Variants in AK7 observed in about 807,000 individuals in gnomAD.
The protein encoded by AK7 is adenylate kinase 7.
In AK7, 78 loss-of-function variants were observed where a neutral mutation model predicts 96.6. The observed-to-expected ratio is 0.81, with a 90% confidence interval of 0.67 to 0.97. The LOEUF (loss-of-function observed/expected upper bound fraction) is 0.97, where lower values mean the gene tolerates loss of function less well. Ranked by LOEUF, AK7 falls within the 50% of genes least tolerant of loss-of-function variation. The pLI is 0.00. For missense variants in AK7, 855 were observed against 887.9 expected, an observed-to-expected ratio of 0.96 and a Z score of 0.47; for synonymous variants, 302 against 317.2, an observed-to-expected ratio of 0.95 and a Z score of 0.51.
At chr14:96,441,371 G>T (rs1892946914) in intron 6 of AK7, among the ~76,000 whole-genome samples, 1 of 152,094 alleles carries the variant, frequency 6.6e-6, no homozygotes, top group Admixed American at 6.5e-5. Flanking sequence ...AGGCATGGTG[G>T]TTCACGCCAG....
intron 14 of AK7, 64 bp downstream of exon 14, chr14:96,472,819 C>A: frequency 7.1e-7 from 1 of 1,403,030 alleles, no homozygotes; most frequent in Non-Finnish European, 1.0e-6. Context: ...TGGTGGCTCA[C>A]GCCTGTAATC....
At position 96,473,582 on chromosome 14, in the gene AK7, AT is replaced by A. The variant is rs1029636655; in HGVS notation, c.1555+838del. ...ATCTTTTTGAGTTTAATAAAGTAGG[AT>A]TTTTTTTTTTAGGAAAAATATTAAA... On this transcript the variant is annotated intron_variant, in intron 14 of 17. Transcript: ENST00000267584. Among the ~76,000 whole-genome samples the A allele has an allele frequency of 3.5e-3, 508 of 146,576 alleles. 2 individuals are homozygous for A. The highest frequency in any genetic ancestry group is 0.01 in the African/African-American group (401 of 40,100).
At chr14:96,427,075 G>C (rs368000600) in intron 5 of AK7, among the ~76,000 whole-genome samples, 2 of 152,048 alleles carry the variant, frequency 1.3e-5, no homozygotes, top group African/African-American at 4.8e-5. Context: ...GAGAAACCCC[G>C]TCTCTACTGA....
chr14:96,401,270 G>T (rs1319411888), intron 2 of AK7, among the ~76,000 whole-genome samples: 3 of 152,214 alleles, frequency 2.0e-5, no homozygotes, highest in Non-Finnish European at 4.4e-5. Flanking sequence ...TCTGAAAGGG[G>T]CACCTAAGGA....
chr14:96,404,167 A>C (rs995999132), intron 2 of AK7, among the ~76,000 whole-genome samples: 5 of 151,658 alleles, frequency 3.3e-5, no homozygotes, highest in Admixed American at 2.0e-4. Context: ...AAAAAAAAAA[A>C]AAAAAACACC....
intron 10 of AK7, among the ~76,000 whole-genome samples, chr14:96,455,417 C>G (rs942559971): frequency 6.6e-6 from 1 of 151,928 alleles, no homozygotes; most frequent in African/African-American, 2.4e-5. Context: ...CCCAGGAGTT[C>G]GAGGCTGCAG....
intron 7 of AK7, 25 bp from the exon 8 acceptor site, chr14:96,446,492 G>A: frequency 6.9e-6 from 11 of 1,604,348 alleles, no homozygotes; most frequent in Middle Eastern, 1.7e-4. Flanking sequence ...TCCCTTTGAT[G>A]ATTATTTTAC....
At position 96,408,946 on chromosome 14, in the gene AK7, G is replaced by A; in HGVS notation, c.498+5G>A. 1 of 1,613,816 alleles carries A rather than the reference G, an allele frequency of 6.2e-7. No homozygotes were observed. The highest frequency in any genetic ancestry group is 8.5e-7 in the Non-Finnish European group (1 of 1,179,690). The stretch of plus-strand genomic sequence containing the variant: ...CGCTCCAAAGCCCTGGACCCCGTAA[G>A]TAGAGCGTTAGCTTTCCTTTAGGTA... On this transcript the variant is annotated splice_donor_5th_base_variant and intron_variant, in intron 4 of 17. Coordinates refer to ENST00000267584, the MANE Select transcript of AK7 (RefSeq NM_152327.5).
At chr14:96,417,431 T>C (rs141766302) in intron 4 of AK7, among the ~76,000 whole-genome samples, 1 of 152,334 alleles carries the variant, frequency 6.6e-6, no homozygotes, top group Non-Finnish European at 1.5e-5. Context: ...CAGTTAATTG[T>C]GCAATATGTA....
chr14:96,481,725 G>T (rs1304392365), intron 15 of AK7, among the ~76,000 whole-genome samples: 1 of 137,042 alleles, frequency 7.3e-6, no homozygotes. Flanking sequence ...TTTTTTTTGA[G>T]ACAAAGTCTT....
At chr14:96,427,745 T>C (rs1192691809) in intron 5 of AK7, among the ~76,000 whole-genome samples, 1 of 152,230 alleles carries the variant, frequency 6.6e-6, no homozygotes, top group Non-Finnish European at 1.5e-5. Flanking sequence ...TTAAGGCCAA[T>C]AACTCTTAGA....
intron 7 of AK7, among the ~76,000 whole-genome samples, chr14:96,445,809 G>A (rs1361763825): frequency 6.6e-6 from 1 of 152,192 alleles, no homozygotes; most frequent in Non-Finnish European, 1.5e-5. Context: ...ACAAGCCATT[G>A]TGATAGACAT....
chr14:96,445,958 G>T (rs1416471213), intron 7 of AK7, among the ~76,000 whole-genome samples: 1 of 152,164 alleles, frequency 6.6e-6, no homozygotes, highest in South Asian at 2.1e-4. Context: ...AAATTTAGTG[G>T]GATCACACCT....
intron 1 of AK7, among the ~76,000 whole-genome samples, chr14:96,394,614 G>T (rs1486533848): frequency 6.6e-6 from 1 of 152,116 alleles, no homozygotes; most frequent in Non-Finnish European, 1.5e-5. Flanking sequence ...CCAGGAGTTT[G>T]GTTTATCCTC....
At chr14:96,474,828 C>T (rs751638349) in intron 14 of AK7, among the ~76,000 whole-genome samples, 2 of 152,194 alleles carry the variant, frequency 1.3e-5, no homozygotes, top group Non-Finnish European at 2.9e-5. Context: ...GGCAATTGGT[C>T]GTGCACAATT....
chr14:96,396,164 C>T (rs958601891), intron 1 of AK7, among the ~76,000 whole-genome samples: 1 of 152,156 alleles, frequency 6.6e-6, no homozygotes, highest in Non-Finnish European at 1.5e-5. Context: ...GCCTTGGTCT[C>T]CCAAAGTGCT....
chr14:96,457,778 T>C (rs546628598), intron 11 of AK7, among the ~76,000 whole-genome samples: 4 of 152,364 alleles, frequency 2.6e-5, no homozygotes, highest in South Asian at 4.1e-4. Flanking sequence ...TTCTGCAACA[T>C]GTGGTTCCTT....
intron 5 of AK7, among the ~76,000 whole-genome samples, chr14:96,428,002 T>C (rs1381193510): frequency 1.3e-5 from 2 of 152,210 alleles, no homozygotes; most frequent in East Asian, 3.8e-4. Flanking sequence ...CTAGGGTACA[T>C]GTGCACAATG....
chr14:96,414,828 C>T (rs1282329236), intron 4 of AK7, among the ~76,000 whole-genome samples: 2 of 144,888 alleles, frequency 1.4e-5, no homozygotes, highest in African/African-American at 5.1e-5. Flanking sequence ...GCTCAGCTCA[C>T]TGCAACCTCC....
Sources: allele counts gnomAD v4.1 joint callset (sites outside exome capture counted in the v4.1 genomes callset), GRCh38; gene constraint gnomAD v4.1.1; transcripts MANE v1.5; gene names NCBI Gene and HGNC (gene_info 2026-07-23, HGNC 2026-07-21).